KIF15: variants seen among roughly 807,000 people sequenced by gnomAD.
KIF15 encodes kinesin-like protein KIF15.
A neutral mutation model predicts 190.6 loss-of-function variants in KIF15; 140 were observed. The observed-to-expected ratio is 0.73, with a 90% CI of 0.64 to 0.84. KIF15 has a LOEUF of 0.84. Ranked by LOEUF, KIF15 falls within the 40% of genes least tolerant of loss-of-function variation. KIF15 has a pLI of 0.00. For missense variants in KIF15, 1,372 were observed against 1,584.4 expected, an observed-to-expected ratio of 0.87 and a Z score of 2.28; for synonymous variants, 528 against 551.3, an observed-to-expected ratio of 0.96 and a Z score of 0.59.
chr3:44,823,981 C>T (rs1321705209), intron 20 of KIF15, among the ~76,000 whole-genome samples: 5 of 152,162 alleles, frequency 3.3e-5, no homozygotes, highest in African/African-American at 9.7e-5. Flanking sequence ...GGTGAGGCGA[C>T]GCCCACCCTG....
At position 44,797,663 on chromosome 3, in the gene KIF15, CCTT is replaced by C. The variant is rs772738687; in HGVS notation, c.966_968del (p.Phe322del). 5.0e-6 allele frequency: 8 copies of C among 1,614,060 alleles called. No individual in the cohort carries two copies. Among genetic ancestry groups the C allele is most frequent in the Non-Finnish European group, 6.8e-6 (8 of 1,179,996 alleles). ...GTTTGCTACAGAGACTCCAAACTTA[CCTT>C]CTTACTACGGGTAAAGTAGATCCTT... On this transcript the variant is annotated inframe_deletion, in exon 9 of 35. Coordinates refer to ENST00000326047, the MANE Select transcript of KIF15 (RefSeq NM_020242.3).
rs137995657 is a variant in KIF15 at position 44,864,290 on chromosome 3, A to G, written c.*60-9039A>G. 2,180 of 1,614,146 alleles carry G rather than the reference A, an allele frequency of 1.4e-3. 8 individuals carry two copies. Among genetic ancestry groups the G allele is most frequent in the Non-Finnish European group, 1.6e-3 (1,857 of 1,180,026 alleles). ...CTTTAGCCGGGGCCTCAGTTTCTCC[A>G]TGTCTTCAGCCATTGCATCTGTCAC... is the stretch of plus-strand genomic sequence containing the variant. On this transcript the variant is annotated intron_variant and NMD_transcript_variant, in intron 6 of 6. Coordinates refer to the KIF15 transcript ENST00000422209.
At chr3:44,764,787 C>G (rs1243609382) in intron 1 of KIF15, among the ~76,000 whole-genome samples, 1 of 152,148 alleles carries the variant, frequency 6.6e-6, no homozygotes, top group Admixed American at 6.5e-5. Context: ...CAGGCAACCA[C>G]CACCAAGCCT....
chr3:44,768,305 C>T lies in KIF15; in HGVS notation c.20-6090C>T, dbSNP rs984547105. ...AAAGAAAAGAAAAGAAAAAAAAAAC[C>T]ACTGATGCAAGATTTTTTGCTCCTT... On this transcript the variant is annotated intron_variant, in intron 1 of 34. Transcript: ENST00000326047. 1.1e-4 allele frequency among the ~76,000 whole-genome samples: 16 copies of T among 151,752 alleles called. 1 individual carries two copies. The highest frequency in any genetic ancestry group is 9.2e-4 in the Admixed American group (14 of 15,214).
intron 11 of KIF15, 54 bp from the exon 12 acceptor site, chr3:44,801,396 G>A: frequency 9.5e-7 from 1 of 1,051,936 alleles, no homozygotes; most frequent in East Asian, 2.4e-5. Context: ...TCTTGGTTTT[G>A]CAATGTGATA....
chr3:44,819,223 G>A (rs1708156428), intron 20 of KIF15, among the ~76,000 whole-genome samples: 2 of 152,072 alleles, frequency 1.3e-5, no homozygotes, highest in South Asian at 4.1e-4. Flanking sequence ...TTTCTGAAGG[G>A]TTTTTTATGT....
intron 20 of KIF15, among the ~76,000 whole-genome samples, chr3:44,823,848 C>T (rs1450465971): frequency 6.6e-6 from 1 of 152,188 alleles, no homozygotes; most frequent in Non-Finnish European, 1.5e-5. Flanking sequence ...TCTGGTATGC[C>T]ATTTGATAAG....
intron 6 of KIF15, among the ~76,000 whole-genome samples, chr3:44,866,707 A>G (rs1196185923): frequency 6.6e-6 from 1 of 152,138 alleles, no homozygotes; most frequent in African/African-American, 2.4e-5. Flanking sequence ...GAGCTTACTA[A>G]AACCATTCCA....
intron 30 of KIF15, among the ~76,000 whole-genome samples, chr3:44,846,771 CAAAAAAA>C (rs765234089): frequency 1.5e-5 from 1 of 67,814 alleles, no homozygotes; most frequent in African/African-American, 5.5e-5. Context: ...GACTCTGTCT[CAAAAAAA>C]AAAAAAAAAA....
chr3:44,840,443 C>T lies in KIF15; in HGVS notation c.3407C>T (p.Ala1136Val). 6.3e-7 allele frequency: 1 copy of T among 1,596,942 alleles called. No homozygotes were observed. Among genetic ancestry groups the T allele is most frequent in the Non-Finnish European group, 8.6e-7 (1 of 1,167,238 alleles). ...RQLEHVMDSA[A>V]EDPQSPKTPP... ...CTAGAACATGTGATGGATTCTGCTG[C>T]TGAGGATCCCCAGGTACTTTTCAGA... The change falls in exon 28 of 35, where the codon GCT (alanine) becomes GTT (valine). Residue 1136 changes from alanine (A) to valine (V), a missense_variant. By Grantham distance (64) the Ala-to-Val change is moderately conservative (BLOSUM62 0). Coordinates refer to ENST00000326047, the MANE Select transcript of KIF15 (RefSeq NM_020242.3).
intron 20 of KIF15, among the ~76,000 whole-genome samples, chr3:44,823,860 C>G (rs1697498571): frequency 6.6e-6 from 1 of 152,208 alleles, no homozygotes; most frequent in Non-Finnish European, 1.5e-5. Context: ...TTTGATAAGA[C>G]CATTGGAAAA....
chr3:44,797,626 A>C lies in KIF15; in HGVS notation c.925A>C (p.Lys309Gln), dbSNP rs1559542173. ...AGCACTTGTCGACGTGGGTAATGGAAAACAGAGACATGTTTGCTACAGAGA... is the reference window on the plus strand; with the variant it reads ...AGCACTTGTCGACGTGGGTAATGGACAACAGAGACATGTTTGCTACAGAGA... ...ITALVDVGNG[K>Q]QRHVCYRDSK... Residue 309 changes from lysine (K) to glutamine (Q), a missense_variant, in exon 9 of 35, where the codon AAA becomes CAA. Physicochemically the swap from Lys to Gln is moderately conservative, Grantham distance 53. Transcript: ENST00000326047. 6.2e-7 allele frequency: 1 copy of C among 1,614,158 alleles called. No individual in the cohort carries two copies. The highest frequency in any genetic ancestry group is 1.3e-5 in the African/African-American group (1 of 75,036).
intron 26 of KIF15, among the ~76,000 whole-genome samples, chr3:44,834,894 C>T (rs776193390): frequency 1.3e-4 from 19 of 151,596 alleles, no homozygotes; most frequent in Non-Finnish European, 2.8e-4. Context: ...GATCGCGCCA[C>T]TGCACTCCAG....
chr3:44,862,086 C>G, intron 6 of KIF15: 1 of 1,295,890 alleles, frequency 7.7e-7, no homozygotes, highest in Non-Finnish European at 9.8e-7. Flanking sequence ...CCCTGGCCGC[C>G]GCCTCCGCCA....
intron 7 of KIF15, among the ~76,000 whole-genome samples, chr3:44,792,767 C>T (rs551316802): frequency 3.3e-5 from 5 of 152,146 alleles, no homozygotes; most frequent in South Asian, 2.1e-4. Flanking sequence ...AGACTGGTCT[C>T]GGTCTCCTGA....
chr3:44,844,071 A>G (rs970392185), intron 30 of KIF15, among the ~76,000 whole-genome samples: 1 of 152,184 alleles, frequency 6.6e-6, no homozygotes, highest in African/African-American at 2.4e-5. Context: ...GTCGAATTGA[A>G]TCAAAGTGGG....
At chr3:44,861,288 G>A (rs755644886) in intron 6 of KIF15, among the ~76,000 whole-genome samples, 26 of 152,380 alleles carry the variant, frequency 1.7e-4, no homozygotes, top group South Asian at 6.2e-4. Context: ...ACCACGCCCA[G>A]CCGGAAACAT....
At chr3:44,793,898 T>TA (rs1285230794) in intron 7 of KIF15, among the ~76,000 whole-genome samples, 40 of 150,766 alleles carry the variant, frequency 2.7e-4, no homozygotes, top group African/African-American at 7.3e-4. Flanking sequence ...TTTTTTTTTT[T>TA]AAGATAGGAT....
At chr3:44,768,049 GC>G (rs1705476345) in intron 1 of KIF15, among the ~76,000 whole-genome samples, 1 of 151,976 alleles carries the variant, frequency 6.6e-6, no homozygotes, top group Non-Finnish European at 1.5e-5. Context: ...GCCAACGCGG[GC>G]AGATCACAAA....
Sources: gnomAD v4.1 joint callset for allele counts (sites outside exome capture counted in the v4.1 genomes callset) on GRCh38, gnomAD v4.1.1 for gene constraint, MANE v1.5 for transcripts, NCBI Gene and HGNC (gene_info 2026-07-23, HGNC 2026-07-21) for gene names.